The following LRRC75A variants were observed in gnomAD, a reference collection of about 807,000 sequenced individuals.
LRRC75A encodes leucine rich repeat containing 75A.
A neutral mutation model predicts 26.0 loss-of-function variants in LRRC75A; 12 were observed. That is an observed-to-expected ratio of 0.46 (90% CI 0.30 to 0.75). The LOEUF is 0.75. LRRC75A is among the 30% of genes least tolerant of loss of function. The pLI, the probability that LRRC75A is intolerant of heterozygous loss-of-function variation, is 0.08. For synonymous variants in LRRC75A, 223 were observed against 219.3 expected (o/e 1.02, Z -0.15); for missense variants, 410 against 486.6 (o/e 0.84, Z 1.48).
chr17:16,469,935 T>C (rs545179610), intron 1 of LRRC75A, among the ~76,000 whole-genome samples: 17 of 152,264 alleles, frequency 1.1e-4, no homozygotes, highest in Non-Finnish European at 1.0e-4. Flanking sequence ...GTTGCCTGGC[T>C]TTCTGATTGG....
At chr17:16,453,630 A>T (rs1356264511) in intron 2 of LRRC75A, among the ~76,000 whole-genome samples, 1 of 152,168 alleles carries the variant, frequency 6.6e-6, no homozygotes, top group East Asian at 1.9e-4. Flanking sequence ...TGTATTGAGC[A>T]GCTGCGATGC....
intron 2 of LRRC75A, among the ~76,000 whole-genome samples, chr17:16,456,529 C>T (rs1568962110): frequency 6.6e-6 from 1 of 152,110 alleles, no homozygotes; most frequent in Non-Finnish European, 1.5e-5. Flanking sequence ...CACTGAGACA[C>T]ACATACCCTA....
rs567607209 is a variant in LRRC75A at position 16,442,927 on chromosome 17, G to C, written c.*661C>G. Reference sequence around the variant, plus strand: ...TGCATGGGCACCATGTCTGTCCTGAGCACTACCACATGGCATCGTAGGCTG... The same window carrying C: ...TGCATGGGCACCATGTCTGTCCTGACCACTACCACATGGCATCGTAGGCTG... On this transcript the variant is annotated 3_prime_UTR_variant, in exon 4 of 4. Transcript: ENST00000470794. The C allele has an allele frequency of 3.9e-5, 6 of 152,434 alleles. No homozygotes were observed. The highest frequency in any genetic ancestry group is 1.4e-4 in the African/African-American group (6 of 41,598). The allele number at this position is 152,434 out of a possible 1,614,324, so 9.4% of individuals were successfully genotyped here. A position where few individuals can be genotyped will look rare whatever the true frequency, so the allele number is the denominator to read the frequency against.
Position 16,492,143 on chromosome 17 carries a change from CGGCT to C in LRRC75A, c.-157_-154del. 1.9e-6 allele frequency: 1 copy of C among 525,468 alleles called. No homozygotes were observed. Among genetic ancestry groups the C allele is most frequent in the Non-Finnish European group, 2.4e-6 (1 of 410,516 alleles). 32.6% of individuals were successfully genotyped at this position (525,468 alleles called of 1,614,324 possible). ...GGCGTCGCGGGGGCGGGCGGGCGGG[CGGCT>C]GTCGGCGCTCCCCGCGCTCCTCCCT... On this transcript the variant is annotated 5_prime_UTR_variant, in exon 1 of 4. Coordinates refer to ENST00000470794, the MANE Select transcript of LRRC75A (RefSeq NM_001113567.3).
At chr17:16,444,330 A>T (rs1403670449) in intron 3 of LRRC75A, among the ~76,000 whole-genome samples, 199 bp from the exon 4 acceptor site, 1 of 152,240 alleles carries the variant, frequency 6.6e-6, no homozygotes, top group Admixed American at 6.5e-5. Flanking sequence ...CTCAGCTGTC[A>T]GGGCCCAGCT....
chr17:16,454,075 T>G (rs1384890850), intron 2 of LRRC75A, among the ~76,000 whole-genome samples: 1 of 152,188 alleles, frequency 6.6e-6, no homozygotes, highest in African/African-American at 2.4e-5. Flanking sequence ...GCTTGTGCAC[T>G]CTTTACCAAG....
chr17:16,456,384 AGAG>A (rs765865086), intron 2 of LRRC75A, among the ~76,000 whole-genome samples: 3 of 131,654 alleles, frequency 2.3e-5, no homozygotes, highest in Non-Finnish European at 4.8e-5. Context: ...AGGAGGAGGA[AGAG>A]AAGAAGGAAA....
intron 2 of LRRC75A, among the ~76,000 whole-genome samples, chr17:16,451,969 G>T (rs995940535): frequency 6.6e-6 from 1 of 151,272 alleles, no homozygotes; most frequent in Non-Finnish European, 1.5e-5. Flanking sequence ...GGATGGTCTC[G>T]ATCTCCTGAC....
In LRRC75A at chr17:16,491,875, TC is replaced by T. The variant is rs1329712458; in HGVS notation, c.115del (p.Asp39ThrfsTer53). 1.4e-5 allele frequency: 19 copies of T among 1,370,896 alleles called. No homozygotes were observed. The highest frequency in any genetic ancestry group is 7.9e-5 in the South Asian group (5 of 63,450). 84.9% of individuals were successfully genotyped at this position (1,370,896 alleles called of 1,614,324 possible). A position where few individuals can be genotyped will look rare whatever the true frequency, so the allele number is the denominator to read the frequency against. On this transcript the variant is annotated frameshift_variant, in exon 1 of 4. Transcript: ENST00000470794. LOFTEE classifies it high-confidence loss of function. This position sits in a 1 kb window ranked among gnomAD's most constrained non-coding sequence, Gnocchi z 5.9. ...FWASLLLRAG[D>X]KAGRAGAGMP... ...CCCCGCGCCCGCGCGCCCCGCCTTGTCCCCGGCGCGCAGCAGCAGCGACGCC... is the reference window on the plus strand; with the variant it reads ...CCCCGCGCCCGCGCGCCCCGCCTTGTCCCGGCGCGCAGCAGCAGCGACGCC...
rs1246020914 is a variant in LRRC75A at position 16,442,495 on chromosome 17, G to A, written c.*1093C>T. 1 of 152,250 alleles carries A rather than the reference G, an allele frequency of 6.6e-6. No individual in the cohort carries two copies. The highest frequency in any genetic ancestry group is 1.9e-4 in the East Asian group (1 of 5,202). The allele number at this position is 152,250 out of a possible 1,614,324, so 9.4% of individuals were successfully genotyped here. On this transcript the variant is annotated 3_prime_UTR_variant, in exon 4 of 4. Transcript: ENST00000470794. ...TCCCTTAACTGGTAGGGCCCTTTCA[G>A]TAGGACAGTATTTGGGTAAGGGGAG...
intron 1 of LRRC75A, chr17:16,470,291 C>T (rs938626723): frequency 3.3e-5 from 5 of 152,180 alleles, no homozygotes; most frequent in African/African-American, 1.2e-4. Context: ...TCATTTGTCT[C>T]TCTCCTCCAG....
At chr17:16,469,080 C>T (rs1194020801) in intron 1 of LRRC75A, among the ~76,000 whole-genome samples, 1 of 152,088 alleles carries the variant, frequency 6.6e-6, no homozygotes, top group Non-Finnish European at 1.5e-5. Context: ...TTCAAGCTGT[C>T]TCTTCCTCAG....
At chr17:16,449,006 G>A (rs1291881421) in intron 2 of LRRC75A, among the ~76,000 whole-genome samples, 3 of 152,342 alleles carry the variant, frequency 2.0e-5, no homozygotes, top group East Asian at 1.9e-4. Flanking sequence ...AGCCAAACTC[G>A]TGCTGGACAG....
At chr17:16,456,358 GAGGAAGAGA>G (rs2093684001) in intron 2 of LRRC75A, among the ~76,000 whole-genome samples, 1 of 145,536 alleles carries the variant, frequency 6.9e-6, no homozygotes, top group South Asian at 2.2e-4. Context: ...GGAAGAGGAG[GAGGAAGAGA>G]AGGAAGAGGA....
At chr17:16,446,170 A>AATCCC (rs1374452741) in intron 3 of LRRC75A, among the ~76,000 whole-genome samples, 2 of 152,150 alleles carry the variant, frequency 1.3e-5, no homozygotes, top group Non-Finnish European at 2.9e-5. Flanking sequence ...GGGCCTCCCA[A>AATCCC]AGTGCTGGGA....
At chr17:16,475,697 T>C (rs117493116) in intron 1 of LRRC75A, among the ~76,000 whole-genome samples, 10,149 of 152,150 alleles carry the variant, frequency 0.067, 387 homozygotes, top group East Asian at 0.12. Context: ...CTCAGCCCCC[T>C]GAATAGCTGA....
At chr17:16,455,209 A>G (rs182093513) in intron 2 of LRRC75A, among the ~76,000 whole-genome samples, 3 of 152,054 alleles carry the variant, frequency 2.0e-5, no homozygotes, top group Admixed American at 1.3e-4. Flanking sequence ...CTGGTATTAC[A>G]GGTGTGAGCC....
intron 1 of LRRC75A, among the ~76,000 whole-genome samples, chr17:16,481,977 G>A (rs2093835144): frequency 6.6e-6 from 1 of 152,156 alleles, no homozygotes; most frequent in Non-Finnish European, 1.5e-5. Flanking sequence ...GGGGTGTTGG[G>A]GGTACTGCCA....
In LRRC75A at chr17:16,491,310, C is replaced by T. The variant is rs538830905; in HGVS notation, c.246+435G>A. Among the ~76,000 whole-genome samples, 218 of 152,274 alleles carry T rather than the reference C, an allele frequency of 1.4e-3. 1 individual carries two copies. The highest frequency in any genetic ancestry group is 4.9e-3 in the African/African-American group (204 of 41,570). ...AGGGCTGTGCCCCTGGACTCGCTCT[C>T]GGGAAGCCAAGCCAGGTCCAACTGA... On this transcript the variant is annotated intron_variant, in intron 1 of 3. Transcript: ENST00000470794. This position sits in a 1 kb window ranked among gnomAD's most constrained non-coding sequence, Gnocchi z 5.9.
Sources: gnomAD v4.1 joint callset for allele counts (sites outside exome capture counted in the v4.1 genomes callset) on GRCh38, gnomAD v4.1.1 for gene constraint, Gnocchi (gnomAD v3.1) non-coding constraint, MANE v1.5 for transcripts, NCBI Gene and HGNC (gene_info 2026-07-23, HGNC 2026-07-21) for gene names.